Variants in TRAPPC12 observed in about 807,000 individuals in gnomAD.
The protein encoded by TRAPPC12 is TPR repeat protein 15.
Under a neutral mutation model 69.2 loss-of-function variants are expected in TRAPPC12, and 61 were observed. The observed-to-expected ratio is 0.88, with a 90% CI of 0.72 to 1.09. The LOEUF (loss-of-function observed/expected upper bound fraction) is 1.09, where lower values mean the gene tolerates loss of function less well. Among genes scored for constraint, TRAPPC12 ranks in the 50% least tolerant of loss-of-function variants. TRAPPC12 has a pLI of 0.00. For missense variants in TRAPPC12, 1,101 were observed against 1,016.4 expected (o/e 1.08, Z -1.13); for synonymous variants, 469 against 438.9 (o/e 1.07, Z -0.86).
intron 9 of TRAPPC12, chr2:3,466,437 T>C: frequency 4.3e-6 from 2 of 467,070 alleles, no homozygotes; most frequent in Non-Finnish European, 8.9e-6. Flanking sequence ...ACGGTGTGAC[T>C]GGCTTGTTTT....
chr2:3,403,781 A>G (rs1572104454), intron 3 of TRAPPC12, among the ~76,000 whole-genome samples: 1 of 152,230 alleles, frequency 6.6e-6, no homozygotes, highest in South Asian at 2.1e-4. Context: ...AGAAGACTAC[A>G]GTGAAGTTCA....
chr2:3,457,809 G>T (rs990935807), intron 7 of TRAPPC12, 116 bp downstream of exon 7: 2 of 1,482,474 alleles, frequency 1.3e-6, no homozygotes, highest in Non-Finnish European at 1.8e-6. Context: ...CACTGCACGT[G>T]TCCACTCGTG....
chr2:3,451,644 C>T (rs1664855551), intron 6 of TRAPPC12, among the ~76,000 whole-genome samples: 1 of 152,120 alleles, frequency 6.6e-6, no homozygotes. Flanking sequence ...CTGCCTCGCC[C>T]TCCTGAGTAG....
chr2:3,470,608 A>G (rs537267534), intron 9 of TRAPPC12, among the ~76,000 whole-genome samples: 152 of 152,294 alleles, frequency 1.0e-3, no homozygotes, highest in Admixed American at 1.8e-3. Context: ...TACTTGGCAA[A>G]AGAGTGGGCC....
In TRAPPC12 at chr2:3,388,013, C is replaced by G. The variant is rs1474745451; in HGVS notation, c.390C>G (p.Ala130=). ...ACGCGGCACCCAGTAGCGGAGGGGC[C>G]CCGAGGCAGGACGCGGCCCGCGAGG... The part of the protein sequence containing the change: ...PEDAAPSSGG[A]PRQDAAREVP... Residue 130 remains alanine (A), a synonymous_variant, in exon 2 of 12, where the codon GCC becomes GCG. Coordinates refer to ENST00000324266, the MANE Select transcript of TRAPPC12 (RefSeq NM_016030.6). The G allele has an allele frequency of 6.8e-7, 1 of 1,470,510 alleles. No homozygotes were observed. The highest frequency in any genetic ancestry group is 2.8e-5 in the East Asian group (1 of 36,002). 91.1% of individuals were successfully genotyped at this position (1,470,510 alleles called of 1,614,324 possible).
chr2:3,394,635 AAG>A (rs1491475707), intron 2 of TRAPPC12, among the ~76,000 whole-genome samples: 2 of 151,722 alleles, frequency 1.3e-5, no homozygotes, highest in African/African-American at 2.4e-5. Context: ...TAAAAAAAAA[AAG>A]GGGGGGGAGA....
chr2:3,403,957 A>G, intron 3 of TRAPPC12, among the ~76,000 whole-genome samples: 1 of 152,232 alleles, frequency 6.6e-6, no homozygotes, highest in East Asian at 1.9e-4. Flanking sequence ...AGCATTTAAC[A>G]AAGTAACAAA....
At chr2:3,452,551 G>C (rs985482959) in intron 6 of TRAPPC12, among the ~76,000 whole-genome samples, 2 of 152,120 alleles carry the variant, frequency 1.3e-5, no homozygotes, top group Admixed American at 6.5e-5. Context: ...CTCCACTCCA[G>C]CCCGTCCTGG....
At chr2:3,464,753 G>A (rs1665714297) in intron 8 of TRAPPC12, among the ~76,000 whole-genome samples, 1 of 152,238 alleles carries the variant, frequency 6.6e-6, no homozygotes, top group Admixed American at 6.5e-5. Flanking sequence ...TTCCTGCACG[G>A]AGACCGCGTT....
At chr2:3,422,734 G>A (rs932034873) in intron 4 of TRAPPC12, among the ~76,000 whole-genome samples, 3 of 152,148 alleles carry the variant, frequency 2.0e-5, no homozygotes, top group Admixed American at 6.5e-5. Context: ...AGCTTTAAAT[G>A]TACTTTCCCC....
chr2:3,465,623 T>C lies in TRAPPC12; in HGVS notation c.1704T>C (p.Tyr568=), dbSNP rs1665771096. The part of the protein sequence containing the change: ...MKDYVLAVEA[Y]HSVIKYYPEQ... The stretch of plus-strand genomic sequence containing the variant: ...ATTATGTGCTGGCCGTGGAGGCGTA[T>C]CATTCGGTTATCAAGTATTACCCAG... Residue 568 remains tyrosine (Y), a synonymous_variant, in exon 9 of 12, where the codon TAT becomes TAC. Transcript: ENST00000324266. The C allele has an allele frequency of 1.2e-6, 2 of 1,614,036 alleles. No individual in the cohort carries two copies. The highest frequency in any genetic ancestry group is 2.2e-5 in the South Asian group (2 of 91,092).
intron 3 of TRAPPC12, among the ~76,000 whole-genome samples, chr2:3,404,957 T>C (rs2103477347): frequency 6.6e-6 from 1 of 152,210 alleles, no homozygotes; most frequent in African/African-American, 2.4e-5. Flanking sequence ...GGAACATTTC[T>C]TCCTCTGCAA....
intron 5 of TRAPPC12, among the ~76,000 whole-genome samples, chr2:3,442,079 G>A (rs1346837949): frequency 6.6e-6 from 1 of 151,480 alleles, no homozygotes; most frequent in Admixed American, 6.6e-5. Flanking sequence ...TTAACAGCTA[G>A]TCTATAAATT....
In TRAPPC12 at chr2:3,425,016, G is replaced by A. The variant is rs1409790334; in HGVS notation, c.1417+353G>A. On this transcript the variant is annotated intron_variant, in intron 5 of 11. Transcript: ENST00000324266. Reference sequence around the variant, plus strand: ...GACCTGGCGCACAGAGATGCAGAGCGGTGGAACCAAACGTGTCCGTGCATA... The same window carrying A: ...GACCTGGCGCACAGAGATGCAGAGCAGTGGAACCAAACGTGTCCGTGCATA... 2.6e-5 allele frequency among the ~76,000 whole-genome samples: 4 copies of A among 152,366 alleles called. No individual in the cohort carries two copies. In the South Asian group the frequency reaches 8.3e-4, roughly 32 times the overall value.
chr2:3,384,345 A>G (rs1430690027), intron 1 of TRAPPC12, among the ~76,000 whole-genome samples: 1 of 152,164 alleles, frequency 6.6e-6, no homozygotes, highest in Non-Finnish European at 1.5e-5. Flanking sequence ...GGACTCCAGT[A>G]TTAGGCAGCA....
chr2:3,417,986 C>G (rs1345082317), intron 3 of TRAPPC12, among the ~76,000 whole-genome samples: 2 of 141,214 alleles, frequency 1.4e-5, no homozygotes, highest in Non-Finnish European at 3.0e-5. Context: ...GAGATTGCAG[C>G]GAGTCGAGAT....
chr2:3,415,198 C>A (rs1287089548), intron 3 of TRAPPC12, among the ~76,000 whole-genome samples: 1 of 152,230 alleles, frequency 6.6e-6, no homozygotes, highest in Non-Finnish European at 1.5e-5. Context: ...TCGGTGGGAA[C>A]TGTGCTGTGA....
intron 6 of TRAPPC12, among the ~76,000 whole-genome samples, chr2:3,452,992 G>A (rs537648211): frequency 2.7e-4 from 41 of 152,312 alleles, no homozygotes; most frequent in Middle Eastern, 3.4e-3. Flanking sequence ...TAAGGAAATA[G>A]GAATTCAGAA....
chr2:3,459,845 A>G (rs1665389248), intron 7 of TRAPPC12: 2 of 312,738 alleles, frequency 6.4e-6, no homozygotes, highest in South Asian at 5.2e-5. Flanking sequence ...GTGGCCTCCC[A>G]TAGGTCAACT....
Sources: allele counts gnomAD v4.1 joint callset (sites outside exome capture counted in the v4.1 genomes callset), GRCh38; gene constraint gnomAD v4.1.1; transcripts MANE v1.5; gene names NCBI Gene and HGNC (gene_info 2026-07-23, HGNC 2026-07-21).